RBFOX1: variants seen among roughly 807,000 people sequenced by gnomAD.
RBFOX1 encodes the protein RNA binding fox-1 homolog 1, also known as RNA binding protein fox-1 homolog 1.
In RBFOX1, 8 loss-of-function variants were observed where a neutral mutation model predicts 57.7. That is an observed-to-expected ratio of 0.14 (90% CI 0.08 to 0.25). The LOEUF is 0.25. Among genes scored for constraint, RBFOX1 ranks in the 10% least tolerant of loss-of-function variants. The pLI is 1.00. For missense variants in RBFOX1, 611 were observed against 548.5 expected (o/e 1.11, Z -1.14); for synonymous variants, 326 against 222.4 (o/e 1.47, Z -4.15).
intron 4 of RBFOX1, among the ~76,000 whole-genome samples, chr16:7,352,811 G>A (rs1272388255): frequency 6.6e-6 from 1 of 152,018 alleles, no homozygotes; most frequent in Non-Finnish European, 1.5e-5. Flanking sequence ...GACCTCTTGG[G>A]TTCAGGTGAT....
intron 4 of RBFOX1, among the ~76,000 whole-genome samples, chr16:5,909,947 G>C (rs2058567890): frequency 6.6e-6 from 1 of 152,142 alleles, no homozygotes; most frequent in Non-Finnish European, 1.5e-5. Context: ...CAGCTACTCA[G>C]GAGGCTAAGG....
intron 1 of RBFOX1, among the ~76,000 whole-genome samples, chr16:5,306,275 A>G (rs934288898): frequency 6.6e-6 from 1 of 152,178 alleles, no homozygotes; most frequent in South Asian, 2.1e-4. Flanking sequence ...AACAGTCCCT[A>G]CTAATATTCC....
chr16:5,490,474 G>T (rs74004331), intron 2 of RBFOX1, among the ~76,000 whole-genome samples: 2,986 of 152,298 alleles, frequency 0.02, 103 homozygotes, highest in African/African-American at 0.067. Flanking sequence ...AGAGAGAGGC[G>T]TCCTGGGAAC....
chr16:5,655,866 C>G (rs1444038918), intron 3 of RBFOX1, among the ~76,000 whole-genome samples: 1 of 152,196 alleles, frequency 6.6e-6, no homozygotes, highest in East Asian at 1.9e-4. Flanking sequence ...ACTTTGCACA[C>G]TGACAATGAT....
intron 1 of RBFOX1, among the ~76,000 whole-genome samples, chr16:6,197,947 T>C (rs921065323): frequency 4.6e-5 from 7 of 152,204 alleles, no homozygotes; most frequent in Admixed American, 1.3e-4. Context: ...ATGGCCTCTA[T>C]CTACATCCAT....
intron 3 of RBFOX1, among the ~76,000 whole-genome samples, chr16:6,813,520 C>T (rs938602192): frequency 1.3e-5 from 2 of 152,160 alleles, no homozygotes; most frequent in Non-Finnish European, 2.9e-5. Context: ...TATGATCTGT[C>T]ACCTGGTCCC....
At chr16:6,999,229 A>ATTTTTTTTT (rs1208010446) in intron 3 of RBFOX1, among the ~76,000 whole-genome samples, 1 of 66,796 alleles carries the variant, frequency 1.5e-5, no homozygotes, top group Non-Finnish European at 3.1e-5. Flanking sequence ...TTTTTTATTT[A>ATTTTTTTTT]TTTTTTTTTT....
chr16:6,698,822 G>T (rs117915744), intron 3 of RBFOX1, among the ~76,000 whole-genome samples: 2,376 of 152,240 alleles, frequency 0.016, 38 homozygotes, highest in Non-Finnish European at 0.023. Context: ...CCCTTATAGT[G>T]ATATGGAATT....
intron 4 of RBFOX1, among the ~76,000 whole-genome samples, chr16:7,510,773 A>T (rs1251929048): frequency 6.6e-6 from 1 of 152,162 alleles, no homozygotes; most frequent in Non-Finnish European, 1.5e-5. Flanking sequence ...ACTGCAAGCA[A>T]CCATCAAGAA....
At chr16:5,455,768 C>G (rs982017460) in intron 1 of RBFOX1, among the ~76,000 whole-genome samples, 8 of 152,152 alleles carry the variant, frequency 5.3e-5, no homozygotes, top group Admixed American at 1.3e-4. Flanking sequence ...GGACACAATA[C>G]TGACCAAGAA....
At chr16:5,464,010 C>A (rs1401181912) in intron 1 of RBFOX1, among the ~76,000 whole-genome samples, 1 of 152,130 alleles carries the variant, frequency 6.6e-6, no homozygotes, top group Non-Finnish European at 1.5e-5. Flanking sequence ...CTGTGCACAG[C>A]TGCAATGGAT....
intron 3 of RBFOX1, among the ~76,000 whole-genome samples, chr16:6,831,829 T>C (rs1164976996): frequency 2.6e-5 from 4 of 152,194 alleles, no homozygotes; most frequent in Non-Finnish European, 5.9e-5. Context: ...GGAATTTTTA[T>C]GATTATCTCC....
At chr16:6,940,610 T>A (rs369418447) in intron 3 of RBFOX1, among the ~76,000 whole-genome samples, 23 of 152,130 alleles carry the variant, frequency 1.5e-4, no homozygotes, top group Non-Finnish European at 3.4e-4. Flanking sequence ...ACTTCTTTTC[T>A]TTTTTGAGGC....
intron 3 of RBFOX1, chr16:6,775,676 A>C (rs1415410280): frequency 6.6e-6 from 1 of 152,130 alleles, no homozygotes; most frequent in Non-Finnish European, 1.5e-5. Flanking sequence ...TCGGTCAAAC[A>C]TCCCTTGTCT....
chr16:7,128,446 A>G (rs1794586507), intron 4 of RBFOX1, among the ~76,000 whole-genome samples: 1 of 152,196 alleles, frequency 6.6e-6, no homozygotes, highest in African/African-American at 2.4e-5. Context: ...GAGAGCCTGA[A>G]TCCTCCAGGG....
chr16:5,392,232 G>A (rs2066431782), intron 1 of RBFOX1, among the ~76,000 whole-genome samples: 1 of 151,932 alleles, frequency 6.6e-6, no homozygotes, highest in Non-Finnish European at 1.5e-5. Context: ...TCACCACTAA[G>A]GAATTTGTTC....
At chr16:5,487,952 G>A (rs2042689154) in intron 2 of RBFOX1, among the ~76,000 whole-genome samples, 1 of 152,054 alleles carries the variant, frequency 6.6e-6, no homozygotes, top group African/African-American at 2.4e-5. Context: ...TAGTGGTGGT[G>A]GGGAGAAGAT....
intron 2 of RBFOX1, among the ~76,000 whole-genome samples, chr16:6,417,587 A>C (rs2093659310): frequency 6.8e-6 from 1 of 146,292 alleles, no homozygotes; most frequent in South Asian, 2.1e-4. Flanking sequence ...ACGGGGTTTC[A>C]CCATGTTGTC....
rs187913254 is a variant in RBFOX1, at chr16:7,529,838, G to C, written c.270+11449G>C. On this transcript the variant is annotated intron_variant, in intron 5 of 15. Transcript: ENST00000550418. ...AGCCTAGTCAACCTAGTGAAACCCC[G>C]TCTCTCCTAAAAATACAAAAATTAG... Among the ~76,000 whole-genome samples the C allele has an allele frequency of 1.3e-4, 19 of 151,748 alleles. No individual in the cohort carries two copies. The East Asian group carries it at 3.7e-3, about 30-fold the overall frequency.
Sources: gnomAD v4.1 joint callset for allele counts (sites outside exome capture counted in the v4.1 genomes callset) on GRCh38, gnomAD v4.1.1 for gene constraint, MANE v1.5 for transcripts, NCBI Gene and HGNC (gene_info 2026-07-23, HGNC 2026-07-21) for gene names.